Variants in CSMD1 observed in about 807,000 individuals in gnomAD.
The protein encoded by CSMD1 is CUB and sushi domain-containing protein 1.
CSMD1 carries 213 observed loss-of-function variants against 417.5 expected under a neutral mutation model. The observed-to-expected ratio is 0.51, with a 90% CI of 0.46 to 0.57. The LOEUF is 0.57. Ranked by LOEUF, CSMD1 falls within the 20% of genes least tolerant of loss-of-function variation. The probability of loss-of-function intolerance (pLI) is 0.00; values close to 1 mark genes in which losing one functional copy is unlikely to be tolerated. For synonymous variants in CSMD1, 2,862 were observed against 1,736.8 expected (o/e 1.65, Z -16.11); for missense variants, 6,923 against 4,529.7 (o/e 1.53, Z -15.17).
intron 3 of CSMD1, among the ~76,000 whole-genome samples, chr8:4,211,776 T>G (rs74709811): frequency 3.9e-4 from 60 of 152,318 alleles, no homozygotes; most frequent in African/African-American, 1.4e-3. Context: ...CAAACTATTT[T>G]CTTCAAACTG....
chr8:3,491,253 T>G (rs1345804836), intron 11 of CSMD1, among the ~76,000 whole-genome samples: 5 of 152,174 alleles, frequency 3.3e-5, no homozygotes, highest in Admixed American at 2.0e-4. Flanking sequence ...ATCACTGAGT[T>G]GGAATCCCTG....
chr8:3,831,703 T>C (rs532116447), intron 5 of CSMD1, among the ~76,000 whole-genome samples: 13 of 152,292 alleles, frequency 8.5e-5, no homozygotes, highest in Admixed American at 7.9e-4. Context: ...GGAATGCCAA[T>C]GAATTTACTA....
intron 11 of CSMD1, among the ~76,000 whole-genome samples, chr8:3,480,722 A>G (rs1245650731): frequency 6.6e-6 from 1 of 152,200 alleles, no homozygotes; most frequent in African/African-American, 2.4e-5. Flanking sequence ...TACTTCAATG[A>G]CAATGATTTT....
chr8:4,834,516 C>T (rs998244723), intron 1 of CSMD1, among the ~76,000 whole-genome samples: 2 of 152,088 alleles, frequency 1.3e-5, no homozygotes, highest in South Asian at 4.2e-4. Flanking sequence ...GGGATCAACA[C>T]ATGAAGATAA....
chr8:3,362,512 C>G (rs1293876151), intron 20 of CSMD1, among the ~76,000 whole-genome samples: 1 of 152,200 alleles, frequency 6.6e-6, no homozygotes, highest in Non-Finnish European at 1.5e-5. Flanking sequence ...TCACTGGACC[C>G]AACTTCTCAT....
At chr8:3,806,138 C>T (rs1159595307) in intron 5 of CSMD1, among the ~76,000 whole-genome samples, 1 of 152,126 alleles carries the variant, frequency 6.6e-6, no homozygotes, top group African/African-American at 2.4e-5. Context: ...ATCAAAACAG[C>T]ACAGTTCTGC....
At chr8:3,647,840 G>T (rs1250069312) in intron 7 of CSMD1, among the ~76,000 whole-genome samples, 1 of 152,178 alleles carries the variant, frequency 6.6e-6, no homozygotes, top group Non-Finnish European at 1.5e-5. Flanking sequence ...AATCTGAGAA[G>T]GCACTTTGTA....
chr8:3,544,082 T>C (rs537702865), intron 10 of CSMD1, among the ~76,000 whole-genome samples: 6 of 152,160 alleles, frequency 3.9e-5, no homozygotes, highest in Admixed American at 1.3e-4. Context: ...TGAGAGGTGT[T>C]TGAACCAGAG....
At chr8:3,210,173 T>A (rs1294234978) in intron 30 of CSMD1, among the ~76,000 whole-genome samples, 2 of 152,170 alleles carry the variant, frequency 1.3e-5, no homozygotes, top group African/African-American at 2.4e-5. Context: ...AGGCGCTGGT[T>A]CATGCACAAA....
intron 1 of CSMD1, among the ~76,000 whole-genome samples, chr8:4,731,569 G>A (rs907573493): frequency 6.6e-6 from 1 of 152,070 alleles, no homozygotes; most frequent in Non-Finnish European, 1.5e-5. Context: ...CATGTTTATT[G>A]AATATTTTGA....
At chr8:4,639,043 A>T (rs1803031446) in intron 1 of CSMD1, among the ~76,000 whole-genome samples, 1 of 152,006 alleles carries the variant, frequency 6.6e-6, no homozygotes, top group African/African-American at 2.4e-5. Flanking sequence ...TGCACACCTG[A>T]CCCACCTATT....
chr8:4,483,474 C>G (rs1801212037), intron 2 of CSMD1, among the ~76,000 whole-genome samples: 1 of 152,166 alleles, frequency 6.6e-6, no homozygotes, highest in Non-Finnish European at 1.5e-5. Context: ...TAACAGACTT[C>G]TAATCGATAA....
intron 7 of CSMD1, among the ~76,000 whole-genome samples, chr8:3,619,018 C>T (rs1369244927): frequency 6.6e-6 from 1 of 152,142 alleles, no homozygotes; most frequent in African/African-American, 2.4e-5. Context: ...CCATGAAAGG[C>T]TGTGACAAGC....
intron 3 of CSMD1, among the ~76,000 whole-genome samples, chr8:4,057,957 T>A (rs1798783117): frequency 6.6e-6 from 1 of 150,556 alleles, no homozygotes; most frequent in Admixed American, 6.6e-5. Flanking sequence ...TAGTTTGAAG[T>A]CAGGTAGGGT....
At position 3,014,413 on chromosome 8, in the gene CSMD1, C is replaced by A. The variant is rs557427385; in HGVS notation, c.8029+4064G>T. ...TTTTGATAGCTAGCTTCTTTTCCTG[C>A]TTTTCCTGTTGTGAGAACAATCACA... On this transcript the variant is annotated intron_variant, in intron 52 of 69. Transcript: ENST00000635120. Among the ~76,000 whole-genome samples the A allele has an allele frequency of 5.8e-4, 89 of 152,250 alleles. 1 individual carries two copies. The highest frequency in any genetic ancestry group is 2.1e-3 in the African/African-American group (87 of 41,550).
chr8:3,703,389 G>A (rs1218558013), intron 7 of CSMD1, among the ~76,000 whole-genome samples: 1 of 135,914 alleles, frequency 7.4e-6, no homozygotes, highest in Admixed American at 8.0e-5. Flanking sequence ...ATAAATGAAA[G>A]AATCTATAGG....
chr8:3,985,708 T>C (rs1814271213), intron 5 of CSMD1, among the ~76,000 whole-genome samples: 1 of 151,974 alleles, frequency 6.6e-6, no homozygotes, highest in Non-Finnish European at 1.5e-5. Flanking sequence ...AGTAACAACT[T>C]GATTCAAGAA....
chr8:3,184,767 G>C (rs768051143), intron 36 of CSMD1, among the ~76,000 whole-genome samples: 1 of 152,140 alleles, frequency 6.6e-6, no homozygotes, highest in Non-Finnish European at 1.5e-5. Flanking sequence ...TCCTGCCTCA[G>C]GATAGCCAAT....
intron 3 of CSMD1, among the ~76,000 whole-genome samples, chr8:4,169,993 G>A (rs1406165159): frequency 3.3e-5 from 5 of 151,798 alleles, no homozygotes; most frequent in Non-Finnish European, 5.9e-5. Context: ...ATAGAAGAGT[G>A]TTAGAGCCTA....
Sources: gnomAD v4.1 joint callset for allele counts (sites outside exome capture counted in the v4.1 genomes callset) on GRCh38, gnomAD v4.1.1 for gene constraint, MANE v1.5 for transcripts, NCBI Gene and HGNC (gene_info 2026-07-23, HGNC 2026-07-21) for gene names.